HCRTR2: variants seen among roughly 807,000 people sequenced by gnomAD.
HCRTR2 encodes hypocretin receptor 2, also known as orexin receptor type 2.
Under a neutral mutation model 49.0 loss-of-function variants are expected in HCRTR2, and 22 were observed. The observed-to-expected ratio is 0.45, with a 90% CI of 0.32 to 0.64. The LOEUF is 0.64. Ranked by LOEUF, HCRTR2 falls within the 30% of genes least tolerant of loss-of-function variation. HCRTR2 has a pLI of 0.04. For missense variants in HCRTR2, 491 were observed against 559.4 expected (o/e 0.88, Z 1.23); for synonymous variants, 236 against 205.3 (o/e 1.15, Z -1.28).
At chr6:55,231,561 T>C (rs1766115355) in intron 1 of HCRTR2, among the ~76,000 whole-genome samples, 1 of 152,114 alleles carries the variant, frequency 6.6e-6, no homozygotes, top group South Asian at 2.1e-4. Flanking sequence ...AAAATCTGCT[T>C]TGTGTGCCTT....
chr6:55,259,657 C>CAT lies in HCRTR2; in HGVS notation c.647-4036_647-4035dup, dbSNP rs35936432. 4.7e-4 allele frequency among the ~76,000 whole-genome samples: 71 copies of CAT among 150,400 alleles called. 1 individual carries two copies. Among genetic ancestry groups the CAT allele is most frequent in the Middle Eastern group, 3.8e-3 (1 of 260 alleles). ...ACATTTGTTCCTTATTAGTTAGTTT[C>CAT]ATATATATATATATAAAATTTATTT... On this transcript the variant is annotated intron_variant, in intron 3 of 6. Transcript: ENST00000370862.
At chr6:55,174,343 G>A, upstream of HCRTR2, 1 of 546,180 alleles carries the variant, frequency 1.8e-6, no homozygotes, top group South Asian at 2.0e-5. Context: ...TCCAGTGCCG[G>A]GTCCCTAGTT....
intron 4 of HCRTR2, among the ~76,000 whole-genome samples, chr6:55,274,278 C>CATATATTTTATGAAATATATATACTTAT (rs1767033426): frequency 2.4e-4 from 5 of 21,186 alleles, no homozygotes; most frequent in African/African-American, 6.7e-4. Flanking sequence ...TATACTTATA[C>CATATATTTTATGAAATATATATACTTAT]ATATATTTTA....
chr6:55,222,993 C>T (rs1038722911), intron 1 of HCRTR2, among the ~76,000 whole-genome samples: 6 of 152,070 alleles, frequency 3.9e-5, no homozygotes, highest in Non-Finnish European at 5.9e-5. Context: ...TATAGTGACA[C>T]GAGTTCAAAT....
At chr6:55,146,281 A>G (rs1764579674) in intron 1 of HCRTR2, among the ~76,000 whole-genome samples, 1 of 152,174 alleles carries the variant, frequency 6.6e-6, no homozygotes, top group Non-Finnish European at 1.5e-5. Flanking sequence ...ATGCCATAAA[A>G]CCTAAAGGAA....
At chr6:55,124,322 T>C (rs1764244195) in intron 1 of HCRTR2, among the ~76,000 whole-genome samples, 1 of 152,194 alleles carries the variant, frequency 6.6e-6, no homozygotes, top group Non-Finnish European at 1.5e-5. Flanking sequence ...ATGTCTTCAT[T>C]CTCACTGGTT....
chr6:55,196,960 A>G (rs1765427114), intron 1 of HCRTR2, among the ~76,000 whole-genome samples: 1 of 152,088 alleles, frequency 6.6e-6, no homozygotes, highest in South Asian at 2.1e-4. Context: ...GCCTGATAAA[A>G]ATCTAACACT....
chr6:55,200,954 CCT>C (rs1765502625), intron 1 of HCRTR2, among the ~76,000 whole-genome samples: 1 of 151,872 alleles, frequency 6.6e-6, no homozygotes, highest in African/African-American at 2.4e-5. Context: ...GATCCAAATT[CCT>C]CTTTCCTATC....
chr6:55,113,391 A>T (rs1279435698), intron 1 of HCRTR2, among the ~76,000 whole-genome samples: 2 of 151,982 alleles, frequency 1.3e-5, no homozygotes, highest in East Asian at 3.9e-4. Context: ...GTGACAAATG[A>T]GGAATATCCA....
At chr6:55,248,043 T>C (rs1766479151) in intron 1 of HCRTR2, among the ~76,000 whole-genome samples, 1 of 152,134 alleles carries the variant, frequency 6.6e-6, no homozygotes, top group Admixed American at 6.6e-5. Flanking sequence ...TTGTCTCAGC[T>C]TCCTCTTTTA....
At chr6:55,255,932 AATT>A (rs1283637515) in intron 3 of HCRTR2, among the ~76,000 whole-genome samples, 5 of 152,296 alleles carry the variant, frequency 3.3e-5, no homozygotes, top group East Asian at 3.9e-4. Flanking sequence ...CTACTCGCAT[AATT>A]ATTATCCAGT....
At chr6:55,130,464 T>A (rs564535281) in intron 1 of HCRTR2, among the ~76,000 whole-genome samples, 1 of 151,828 alleles carries the variant, frequency 6.6e-6, no homozygotes, top group East Asian at 1.9e-4. Context: ...TCCAATATAT[T>A]CCTATTTCTT....
At chr6:55,143,017 CAG>C (rs1764530731) in intron 1 of HCRTR2, among the ~76,000 whole-genome samples, 1 of 144,064 alleles carries the variant, frequency 6.9e-6, no homozygotes, top group African/African-American at 2.5e-5. Context: ...GACAGACAGA[CAG>C]ATAGAACAGC....
intron 1 of HCRTR2, among the ~76,000 whole-genome samples, chr6:55,231,893 T>C (rs985218516): frequency 6.6e-6 from 1 of 152,094 alleles, no homozygotes; most frequent in African/African-American, 2.4e-5. Context: ...CTTAAATACA[T>C]CAAATTTAAC....
At chr6:55,196,024 TTAAAA>T (rs1424419372) in intron 1 of HCRTR2, among the ~76,000 whole-genome samples, 7 of 152,148 alleles carry the variant, frequency 4.6e-5, no homozygotes, top group Non-Finnish European at 8.8e-5. Flanking sequence ...TTCATAATAA[TTAAAA>T]TAAATTATTT....
chr6:55,194,955 T>C (rs997820962), intron 1 of HCRTR2, among the ~76,000 whole-genome samples: 1 of 152,140 alleles, frequency 6.6e-6, no homozygotes. Context: ...AAAACAAACA[T>C]GGAGTGACTC....
At chr6:55,208,493 A>G (rs2127289866) in intron 1 of HCRTR2, among the ~76,000 whole-genome samples, 1 of 150,954 alleles carries the variant, frequency 6.6e-6, no homozygotes, top group African/African-American at 2.4e-5. Context: ...CTCCACCTCA[A>G]AAAATAAAAA....
At chr6:55,243,885 A>G (rs1766381562) in intron 1 of HCRTR2, among the ~76,000 whole-genome samples, 1 of 152,180 alleles carries the variant, frequency 6.6e-6, no homozygotes, top group Admixed American at 6.5e-5. Flanking sequence ...GAAAGAAGTC[A>G]TGTTAATTTA....
chr6:55,280,919 A>G (rs139003779), intron 6 of HCRTR2, among the ~76,000 whole-genome samples: 1 of 152,138 alleles, frequency 6.6e-6, no homozygotes, highest in Admixed American at 6.6e-5. Context: ...CTGACTACCA[A>G]AAATAGTATT....
Sources: gnomAD v4.1 joint callset for allele counts (sites outside exome capture counted in the v4.1 genomes callset) on GRCh38, gnomAD v4.1.1 for gene constraint, MANE v1.5 for transcripts, NCBI Gene and HGNC (gene_info 2026-07-23, HGNC 2026-07-21) for gene names.